Variants in FGF12 observed in about 807,000 individuals in gnomAD.
FGF12 encodes fibroblast growth factor 12B.
Under a neutral mutation model 23.6 loss-of-function variants are expected in FGF12, and 14 were observed. The ratio of observed to expected loss-of-function variants is 0.59; its 90% confidence interval spans 0.39 to 0.93. The LOEUF (loss-of-function observed/expected upper bound fraction) is 0.93, where lower values mean the gene tolerates loss of function less well. Among genes scored for constraint, FGF12 ranks in the 40% least tolerant of loss-of-function variants. The probability of loss-of-function intolerance (pLI) is 0.00; values close to 1 mark genes in which losing one functional copy is unlikely to be tolerated. For missense variants in FGF12, 175 were observed against 217.8 expected, an observed-to-expected ratio of 0.80 and a Z score of 1.24; for synonymous variants, 62 against 77.3, an observed-to-expected ratio of 0.80 and a Z score of 1.04.
chr3:192,725,581 TA>T (rs765535194), intron 2 of FGF12, among the ~76,000 whole-genome samples: 12 of 152,090 alleles, frequency 7.9e-5, no homozygotes, highest in Non-Finnish European at 1.5e-4. Flanking sequence ...CGAAGGAAAA[TA>T]AAAGATTACT....
intron 4 of FGF12, among the ~76,000 whole-genome samples, chr3:192,207,625 C>G (rs1717722954): frequency 6.6e-6 from 1 of 152,176 alleles, no homozygotes; most frequent in South Asian, 2.1e-4. Flanking sequence ...GAAAAGCAGT[C>G]AGGGCCAAAA....
intron 4 of FGF12, among the ~76,000 whole-genome samples, chr3:192,303,541 C>A (rs1464316518): frequency 6.6e-6 from 1 of 152,180 alleles, no homozygotes. Context: ...AAGATAATTA[C>A]TAAGAGACTG....
At chr3:192,257,940 C>G (rs944979418) in intron 4 of FGF12, among the ~76,000 whole-genome samples, 1 of 151,288 alleles carries the variant, frequency 6.6e-6, no homozygotes, top group Non-Finnish European at 1.5e-5. Flanking sequence ...GAGAATCAAA[C>G]TCTTAAATTC....
At chr3:192,665,104 G>C (rs1255423862) in intron 2 of FGF12, among the ~76,000 whole-genome samples, 3 of 152,164 alleles carry the variant, frequency 2.0e-5, no homozygotes, top group African/African-American at 4.8e-5. Flanking sequence ...GTATTAGAGA[G>C]ATTGAGCTTT....
chr3:192,200,869 G>T (rs80039027), intron 4 of FGF12, among the ~76,000 whole-genome samples: 3,439 of 151,836 alleles, frequency 0.023, 116 homozygotes, highest in African/African-American at 0.078. Flanking sequence ...TTAGTAATAG[G>T]CTCCCATTAG....
At chr3:192,294,611 T>A (rs1308122698) in intron 4 of FGF12, among the ~76,000 whole-genome samples, 6 of 152,208 alleles carry the variant, frequency 3.9e-5, no homozygotes, top group Non-Finnish European at 8.8e-5. Flanking sequence ...CTCTTACAAA[T>A]AAAGTGCATG....
chr3:192,676,616 C>T (rs1400834463), intron 2 of FGF12, among the ~76,000 whole-genome samples: 1 of 152,118 alleles, frequency 6.6e-6, no homozygotes, highest in African/African-American at 2.4e-5. Context: ...AAAATGTAAC[C>T]ATATTTTGAG....
At chr3:192,338,015 A>G (rs1252392107) in intron 3 of FGF12, among the ~76,000 whole-genome samples, 1 of 152,218 alleles carries the variant, frequency 6.6e-6, no homozygotes, top group Non-Finnish European at 1.5e-5. Context: ...GATTACCTTA[A>G]TTTATAGAAG....
At chr3:192,457,187 C>T (rs1722707152) in intron 2 of FGF12, among the ~76,000 whole-genome samples, 1 of 152,158 alleles carries the variant, frequency 6.6e-6, no homozygotes, top group African/African-American at 2.4e-5. Context: ...CTTTTACTTC[C>T]CAGTCTCAGC....
intron 4 of FGF12, among the ~76,000 whole-genome samples, chr3:192,216,987 A>C (rs1378819980): frequency 2.6e-5 from 4 of 152,246 alleles, no homozygotes; most frequent in Non-Finnish European, 5.9e-5. Flanking sequence ...TTTTATTTAT[A>C]ATCTGTGCAG....
chr3:192,385,649 A>G (rs1407165543), intron 2 of FGF12, among the ~76,000 whole-genome samples: 2 of 112,294 alleles, frequency 1.8e-5, no homozygotes, highest in Admixed American at 1.7e-4. Context: ...ATTCACATAT[A>G]AACCATAGTT....
At chr3:192,719,149 G>C (rs1718955391) in intron 2 of FGF12, among the ~76,000 whole-genome samples, 1 of 152,118 alleles carries the variant, frequency 6.6e-6, no homozygotes, top group Admixed American at 6.5e-5. Context: ...TATTTCATTG[G>C]AACATGCACC....
chr3:192,430,574 C>T (rs941048478), intron 2 of FGF12, among the ~76,000 whole-genome samples: 3 of 152,226 alleles, frequency 2.0e-5, no homozygotes, highest in Admixed American at 1.3e-4. Context: ...ATTTCAACCT[C>T]ACCCCTGCCA....
At chr3:192,527,416 G>A (rs1724971265) in intron 2 of FGF12, among the ~76,000 whole-genome samples, 1 of 152,160 alleles carries the variant, frequency 6.6e-6, no homozygotes, top group Admixed American at 6.5e-5. Flanking sequence ...TAGTCTGAAA[G>A]GTTGTATACT....
Position 192,378,963 on chromosome 3 carries a change from A to G in FGF12, c.14-18425T>C, listed in dbSNP as rs184031573. Among the ~76,000 whole-genome samples the G allele has an allele frequency of 7.2e-5, 11 of 152,222 alleles. No homozygotes were observed. The East Asian group carries it at 1.9e-3, about 27-fold the overall frequency. On this transcript the variant is annotated intron_variant, in intron 2 of 5. Transcript: ENST00000445105. ...ATCTGTTGTTCCTTTCTTTGTGTCC[A>G]TGATTTCTCATCATTTAGCTCTCAC...
At chr3:192,328,806 A>G (rs1716960516) in intron 4 of FGF12, among the ~76,000 whole-genome samples, 1 of 152,236 alleles carries the variant, frequency 6.6e-6, no homozygotes, top group African/African-American at 2.4e-5. Flanking sequence ...TAACAAGATA[A>G]GAATTGTATC....
intron 5 of FGF12, among the ~76,000 whole-genome samples, chr3:192,162,566 C>G (rs774338874): frequency 6.6e-6 from 1 of 152,038 alleles, no homozygotes; most frequent in African/African-American, 2.4e-5. Flanking sequence ...CTGGCAGAAA[C>G]CCAAAACACA....
At chr3:192,585,399 C>A (rs1713331600) in intron 2 of FGF12, among the ~76,000 whole-genome samples, 1 of 152,120 alleles carries the variant, frequency 6.6e-6, no homozygotes. Flanking sequence ...GGGGTGGGAG[C>A]AGTTTCAGGG....
intron 2 of FGF12, among the ~76,000 whole-genome samples, chr3:192,703,244 A>T (rs868690385): frequency 6.6e-6 from 1 of 152,232 alleles, no homozygotes; most frequent in South Asian, 2.1e-4. Flanking sequence ...AAGTGACACA[A>T]ATTTTTTGGC....
Sources: gnomAD v4.1 joint callset for allele counts (sites outside exome capture counted in the v4.1 genomes callset) on GRCh38, gnomAD v4.1.1 for gene constraint, MANE v1.5 for transcripts, NCBI Gene and HGNC (gene_info 2026-07-23, HGNC 2026-07-21) for gene names.